IFI44: variants seen among roughly 807,000 people sequenced by gnomAD.
IFI44 encodes the protein interferon induced protein 44, also known as interferon-induced protein 44.
A neutral mutation model predicts 45.0 loss-of-function variants in IFI44; 42 were observed. That is an observed-to-expected ratio of 0.93 (90% confidence interval 0.73 to 1.21). The LOEUF is 1.21. IFI44 is among the 50% of genes most tolerant of loss of function. The pLI is 0.00. For missense variants in IFI44, 623 were observed against 525.8 expected, an observed-to-expected ratio of 1.18 and a Z score of -1.81; for synonymous variants, 221 against 188.6, an observed-to-expected ratio of 1.17 and a Z score of -1.41.
At chr1:78,652,459 G>A (rs1044210509) in intron 2 of IFI44, among the ~76,000 whole-genome samples, 1 of 152,166 alleles carries the variant, frequency 6.6e-6, no homozygotes, top group African/African-American at 2.4e-5. Context: ...GTAGTATTCC[G>A]TGTGGGAAAT....
At chr1:78,660,009 G>A (rs1647360225) in intron 6 of IFI44, among the ~76,000 whole-genome samples, 1 of 152,210 alleles carries the variant, frequency 6.6e-6, no homozygotes, top group South Asian at 2.1e-4. Context: ...GAGTGAGAAA[G>A]AGCCAGTTTA....
At chr1:78,663,516 T>C (rs1161090973) in intron 8 of IFI44, 5 of 984,960 alleles carry the variant, frequency 5.1e-6, no homozygotes, top group Non-Finnish European at 4.8e-6. Context: ...TTTTAGTGCT[T>C]GGGAAATCAA....
intron 7 of IFI44, 40 bp downstream of exon 7, chr1:78,660,694 A>G (rs767236646): frequency 7.9e-7 from 1 of 1,263,614 alleles, no homozygotes; most frequent in Admixed American, 1.7e-5. Flanking sequence ...TTTCTGGGGT[A>G]TGTTACTACA....
chr1:78,660,338 T>A (rs1647375178), intron 6 of IFI44, among the ~76,000 whole-genome samples: 1 of 152,120 alleles, frequency 6.6e-6, no homozygotes, highest in South Asian at 2.1e-4. Flanking sequence ...TTTGTTACCA[T>A]TGAAATCAAT....
intron 4 of IFI44, 48 bp downstream of exon 4, chr1:78,655,257 A>G (rs1647187541): frequency 6.3e-7 from 1 of 1,575,592 alleles, no homozygotes; most frequent in Non-Finnish European, 8.6e-7. Context: ...GTTCAAATCA[A>G]TTATATTTCA....
At chr1:78,659,170 C>T (rs1241821879) in intron 5 of IFI44, 142 bp from the exon 6 acceptor site, 1 of 635,844 alleles carries the variant, frequency 1.6e-6, no homozygotes, top group African/African-American at 1.8e-5. Context: ...TGCCTGTCTT[C>T]TCTACCAAGA....
In IFI44 at chr1:78,650,449, C is replaced by T; in HGVS notation, c.254C>T (p.Thr85Ile). The T allele has an allele frequency of 6.2e-7, 1 of 1,614,024 alleles. No individual in the cohort carries two copies. Among genetic ancestry groups the T allele is most frequent in the Non-Finnish European group, 8.5e-7 (1 of 1,179,920 alleles). ...ASIILFALQD[T>I]KISEWKLGLC... is the part of the protein sequence containing the mutation. ...ATCATCCTTTTTGCACTTCAAGATA[C>T]TAAAATTTCAGAATGGAAACTAGGA... The change falls in exon 2 of 9, where the codon ACT (threonine) becomes ATT (isoleucine). Residue 85 changes from threonine to isoleucine, a missense_variant. Transcript: ENST00000370747.
At position 78,663,755 on chromosome 1, in the gene IFI44, CT is replaced by C; in HGVS notation, c.1289-6del. 6.2e-7 allele frequency: 1 copy of C among 1,610,888 alleles called. No individual in the cohort carries two copies. On this transcript the variant is annotated splice_polypyrimidine_tract_variant and intron_variant, in intron 8 of 8. Transcript: ENST00000370747. ...AATCCACTAAGAATATTTTGTGTTT[CT>C]TTTCTCAGGGAATCTAAGGGAGGAA...
At position 78,650,097 on chromosome 1, in the gene IFI44, A is replaced by G. The variant is rs1647096241; in HGVS notation, c.-10-89A>G. 9.1e-6 allele frequency: 7 copies of G among 765,426 alleles called. No individual in the cohort carries two copies. The South Asian group carries it at 1.8e-4, about 20-fold the overall frequency. 47.4% of individuals were successfully genotyped at this position (765,426 alleles called of 1,614,324 possible). On this transcript the variant is annotated intron_variant, in intron 1 of 8. Coordinates refer to ENST00000370747, the MANE Select transcript of IFI44 (RefSeq NM_006417.5). The stretch of plus-strand genomic sequence containing the variant: ...TTTTGTCATTTTTTGTATTATGTAG[A>G]GTATATAAGAGGCATAAATGCAAAT...
Position 78,650,372 on chromosome 1 carries a change from T to C in IFI44, c.177T>C (p.His59=), listed in dbSNP as rs1236722239. ...TAACAGTGATTTATAGTGAAGATCA[T>C]ATTATTGGAGCATATGCAGAAGAGA... The part of the protein sequence containing the change: ...PTLTVIYSED[H]IIGAYAEESY... Residue 59 remains histidine (H), a synonymous_variant, in exon 2 of 9, where the codon CAT becomes CAC. Coordinates refer to ENST00000370747, the MANE Select transcript of IFI44 (RefSeq NM_006417.5). 2.5e-6 allele frequency: 4 copies of C among 1,614,102 alleles called. No individual in the cohort carries two copies. The South Asian group carries it at 3.3e-5, about 13-fold the overall frequency.
intron 2 of IFI44, among the ~76,000 whole-genome samples, chr1:78,652,447 G>A (rs1295975167): frequency 6.6e-6 from 1 of 152,228 alleles, no homozygotes; most frequent in African/African-American, 2.4e-5. Flanking sequence ...TTCAAGAGAT[G>A]TGTAGTATTC....
intron 3 of IFI44, 37 bp downstream of exon 3, chr1:78,654,316 A>T: frequency 9.0e-7 from 1 of 1,106,238 alleles, no homozygotes; most frequent in Non-Finnish European, 1.4e-6. Flanking sequence ...TACTCTCTTC[A>T]TTATCTTTGA....
rs926739203 is a variant in IFI44 at position 78,656,228 on chromosome 1, C to T, written c.840+717C>T. Among the ~76,000 whole-genome samples the T allele has an allele frequency of 3.3e-5, 5 of 152,168 alleles. No homozygotes were observed. In the East Asian group the frequency reaches 9.6e-4, roughly 29 times the overall value. On this transcript the variant is annotated intron_variant, in intron 5 of 8. Coordinates refer to ENST00000370747, the MANE Select transcript of IFI44 (RefSeq NM_006417.5). ...AGCCCCACCTGACTGAGACGTATGG[C>T]TGTCATTTTTATGTGAAAAAACACT...
rs201896633 is a variant in IFI44 at position 78,662,775 on chromosome 1, G to A, written c.1185G>A (p.Glu395=). ...DISVVSNYSS[E]WELDPVKDVL... is the part of the protein sequence containing the mutation. The stretch of plus-strand genomic sequence containing the variant: ...CGGTGGTTAGCAATTATTCCTCTGA[G>A]TGGGAGCTGGACCCTGTAAAGGATG... Residue 395 remains glutamate, a synonymous_variant, in exon 8 of 9, where the codon GAG becomes GAA. Transcript: ENST00000370747. 1.4e-4 allele frequency: 230 copies of A among 1,613,710 alleles called. No individual in the cohort carries two copies. The highest frequency in any genetic ancestry group is 1.1e-3 in the Admixed American group (68 of 59,944).
intron 7 of IFI44, 39 bp downstream of exon 7, chr1:78,660,693 T>C (rs1570402982): frequency 7.8e-7 from 1 of 1,284,810 alleles, no homozygotes; most frequent in South Asian, 1.2e-5. Flanking sequence ...TTTTCTGGGG[T>C]ATGTTACTAC....
At chr1:78,657,364 T>C (rs1456182109) in intron 5 of IFI44, among the ~76,000 whole-genome samples, 1 of 152,106 alleles carries the variant, frequency 6.6e-6, no homozygotes, top group East Asian at 1.9e-4. Flanking sequence ...CTGAACTCCA[T>C]TATTTGCATC....
chr1:78,661,883 C>T (rs775614314), intron 7 of IFI44, among the ~76,000 whole-genome samples: 6 of 152,030 alleles, frequency 3.9e-5, no homozygotes, highest in Non-Finnish European at 7.4e-5. Context: ...GAAAAGTCAG[C>T]ATGTTTGGGA....
intron 5 of IFI44, among the ~76,000 whole-genome samples, chr1:78,656,153 G>C (rs1395369183): frequency 6.6e-6 from 1 of 152,126 alleles, no homozygotes; most frequent in African/African-American, 2.4e-5. Flanking sequence ...AGAACTGTGA[G>C]AAATAAATGT....
intron 5 of IFI44, among the ~76,000 whole-genome samples, chr1:78,657,563 T>G (rs1647247051): frequency 6.6e-6 from 1 of 152,134 alleles, no homozygotes; most frequent in African/African-American, 2.4e-5. Context: ...TAGATCCATT[T>G]ATTTGTTAAA....
Sources: allele counts gnomAD v4.1 joint callset (sites outside exome capture counted in the v4.1 genomes callset), GRCh38; gene constraint gnomAD v4.1.1; transcripts MANE v1.5; gene names NCBI Gene and HGNC (gene_info 2026-07-23, HGNC 2026-07-21).